Variants in CTNNA2 observed in about 807,000 individuals in gnomAD.
CTNNA2 encodes the protein catenin alpha 2.
A neutral mutation model predicts 101.0 loss-of-function variants in CTNNA2; 42 were observed. That is an observed-to-expected ratio of 0.42 (90% CI 0.32 to 0.54). The LOEUF (loss-of-function observed/expected upper bound fraction) is 0.54, where lower values mean the gene tolerates loss of function less well. Ranked by LOEUF, CTNNA2 falls within the 20% of genes least tolerant of loss-of-function variation. CTNNA2 has a pLI of 0.14. For synonymous variants in CTNNA2, 450 were observed against 456.4 expected (o/e 0.99, Z 0.18); for missense variants, 871 against 1,223.1 (o/e 0.71, Z 4.29).
chr2:79,975,812 A>G (rs1390654808), intron 7 of CTNNA2, among the ~76,000 whole-genome samples: 3 of 152,214 alleles, frequency 2.0e-5, no homozygotes, highest in Admixed American at 2.0e-4. Flanking sequence ...ACCACCCTCC[A>G]AGGAAGCTAC....
intron 6 of CTNNA2, among the ~76,000 whole-genome samples, chr2:79,907,097 T>A (rs1685476530): frequency 6.6e-6 from 1 of 152,148 alleles, no homozygotes; most frequent in Non-Finnish European, 1.5e-5. Context: ...ACACGTTTAG[T>A]CCTAAAGTAC....
At chr2:80,031,831 C>G (rs148619503) in intron 7 of CTNNA2, among the ~76,000 whole-genome samples, 1 of 152,318 alleles carries the variant, frequency 6.6e-6, no homozygotes, top group African/African-American at 2.4e-5. Context: ...TTGGTTACAT[C>G]TGTCTACAGA....
intron 1 of CTNNA2, among the ~76,000 whole-genome samples, chr2:79,587,325 A>G (rs762197377): frequency 2.5e-4 from 38 of 151,848 alleles, no homozygotes; most frequent in Admixed American, 4.6e-4. Context: ...GAGTTATTAA[A>G]CCCCATTTTA....
intron 1 of CTNNA2, among the ~76,000 whole-genome samples, chr2:79,188,355 A>G (rs1344123785): frequency 2.6e-5 from 4 of 152,158 alleles, no homozygotes; most frequent in Admixed American, 1.3e-4. Flanking sequence ...TTCGACCTCC[A>G]ATCATTAAAC....
intron 7 of CTNNA2, among the ~76,000 whole-genome samples, chr2:79,982,670 C>T (rs2103843651): frequency 6.6e-6 from 1 of 152,098 alleles, no homozygotes; most frequent in East Asian, 1.9e-4. Flanking sequence ...CGGTGGCACC[C>T]CCTGGAGGCC....
At chr2:79,789,351 A>G (rs1675092516) in intron 3 of CTNNA2, among the ~76,000 whole-genome samples, 1 of 152,186 alleles carries the variant, frequency 6.6e-6, no homozygotes, top group Non-Finnish European at 1.5e-5. Flanking sequence ...GCCAGATTTT[A>G]AAGTGCCAGA....
Position 80,302,518 on chromosome 2 carries a change from G to A in CTNNA2, c.1057-90693G>A. On this transcript the variant is annotated intron_variant, in intron 7 of 18. Transcript: ENST00000402739. The surrounding 1 kb of genome is among the most constrained non-coding windows in gnomAD (Gnocchi z 6.4). ...CCACGATGAGGAAGGAGAAGATGAG[G>A]GCCATGGTGCCCGTGACCACCTTGT... is the stretch of plus-strand genomic sequence containing the variant. 6.2e-7 allele frequency: 1 copy of A among 1,612,568 alleles called. No homozygotes were observed.
chr2:79,880,916 G>A (rs1043565842), intron 6 of CTNNA2, among the ~76,000 whole-genome samples: 4 of 152,048 alleles, frequency 2.6e-5, no homozygotes, highest in Admixed American at 6.5e-5. Context: ...ATGTTAGTGT[G>A]TCGACTTGAG....
At chr2:80,508,809 C>T (rs528398907) in intron 9 of CTNNA2, among the ~76,000 whole-genome samples, 1 of 152,106 alleles carries the variant, frequency 6.6e-6, no homozygotes, top group Non-Finnish European at 1.5e-5. Flanking sequence ...ATGCTTCTTT[C>T]CTACTATTTC....
chr2:79,471,722 C>T (rs1246214388), intron 4 of CTNNA2, among the ~76,000 whole-genome samples: 1 of 152,002 alleles, frequency 6.6e-6, no homozygotes, highest in Non-Finnish European at 1.5e-5. Flanking sequence ...CCTGTAGTCC[C>T]AGCTATTCGG....
intron 3 of CTNNA2, among the ~76,000 whole-genome samples, chr2:79,851,862 C>T (rs1244060837): frequency 6.6e-6 from 1 of 151,306 alleles, no homozygotes. Flanking sequence ...CTGTCTCAGC[C>T]TCCTGAGTAG....
intron 9 of CTNNA2, among the ~76,000 whole-genome samples, chr2:80,508,273 A>G (rs781645804): frequency 6.6e-6 from 1 of 152,094 alleles, no homozygotes; most frequent in Admixed American, 6.6e-5. Context: ...CAGGAGTTCA[A>G]CACCAGCCTG....
chr2:79,660,428 G>T (rs965245189), intron 2 of CTNNA2, among the ~76,000 whole-genome samples: 2 of 151,272 alleles, frequency 1.3e-5, no homozygotes, highest in African/African-American at 4.9e-5. Context: ...TAACTAAGTT[G>T]TGATTTATAA....
chr2:79,369,269 C>T (rs1254044698), intron 3 of CTNNA2, among the ~76,000 whole-genome samples: 3 of 152,144 alleles, frequency 2.0e-5, no homozygotes, highest in Non-Finnish European at 4.4e-5. Context: ...GAGAACAATT[C>T]CAGCCCCAAA....
At chr2:79,976,688 A>T (rs1690868983) in intron 7 of CTNNA2, among the ~76,000 whole-genome samples, 1 of 152,196 alleles carries the variant, frequency 6.6e-6, no homozygotes, top group Non-Finnish European at 1.5e-5. Flanking sequence ...ATAGACAATA[A>T]AGCTTTGAGA....
rs1325494199 is a variant in CTNNA2, at chr2:80,581,718, C to A, written c.1906C>A (p.Leu636Ile). The A allele has an allele frequency of 6.2e-7, 1 of 1,608,366 alleles. No individual in the cohort carries two copies. Among genetic ancestry groups the A allele is most frequent in the African/African-American group, 1.3e-5 (1 of 74,700 alleles). Residue 636 changes from leucine (L) to isoleucine (I), a missense_variant, in exon 14 of 19, where the codon CTA becomes ATA. Around this residue, in one of 5 missense-constraint regions of CTNNA2, gnomAD observed 647 missense variants for 831.5 expected, o/e 0.78. Transcript: ENST00000402739. Reference protein sequence around the residue: ...AVLMIRTPEELEDDSDFEQED... With the variant: ...AVLMIRTPEEIEDDSDFEQED... ...TTTTTGTCTTTAGACCCCAGAAGAA[C>A]TAGAGGATGATTCTGACTTTGAGCA...
chr2:80,585,747 C>G (rs1695921130), intron 14 of CTNNA2, among the ~76,000 whole-genome samples: 1 of 152,126 alleles, frequency 6.6e-6, no homozygotes, highest in African/African-American at 2.4e-5. Flanking sequence ...ATTTGATTAA[C>G]TTGCAAATTT....
chr2:79,480,909 G>C (rs1671103409), intron 4 of CTNNA2, among the ~76,000 whole-genome samples: 1 of 151,742 alleles, frequency 6.6e-6, no homozygotes, highest in Non-Finnish European at 1.5e-5. Flanking sequence ...CCTCCTTTCA[G>C]CTGATTTTTT....
intron 7 of CTNNA2, among the ~76,000 whole-genome samples, chr2:80,166,560 G>T (rs1181711292): frequency 2.0e-5 from 3 of 152,122 alleles, no homozygotes; most frequent in African/African-American, 7.2e-5. Flanking sequence ...TTGGCTGTTG[G>T]CTGTTTCTGA....
Sources: gnomAD v4.1 joint callset for allele counts (sites outside exome capture counted in the v4.1 genomes callset) on GRCh38, gnomAD v4.1.1 for gene constraint, gnomAD v4.1.1 regional missense constraint, Gnocchi (gnomAD v3.1) non-coding constraint, MANE v1.5 for transcripts, NCBI Gene and HGNC (gene_info 2026-07-23, HGNC 2026-07-21) for gene names.